The following TBCCD1 variants were observed in gnomAD, a reference collection of about 807,000 sequenced individuals.
TBCCD1 encodes the protein TBCC domain containing 1.
Under a neutral mutation model 53.4 loss-of-function variants are expected in TBCCD1, and 26 were observed. That is an observed-to-expected ratio of 0.49 (90% confidence interval 0.36 to 0.68). The LOEUF (loss-of-function observed/expected upper bound fraction) is 0.68, where lower values mean the gene tolerates loss of function less well. TBCCD1 is among the 30% of genes least tolerant of loss of function. TBCCD1 has a pLI of 0.00. For synonymous variants in TBCCD1, 245 were observed against 241.7 expected, an observed-to-expected ratio of 1.01 and a Z score of -0.13; for missense variants, 558 against 669.5, an observed-to-expected ratio of 0.83 and a Z score of 1.84.
At chr3:186,555,189 AC>A in intron 4 of TBCCD1, 105 bp from the exon 5 acceptor site, 1 of 1,107,594 alleles carries the variant, frequency 9.0e-7, no homozygotes, top group Non-Finnish European at 1.2e-6. Context: ...CAAATTAGAT[AC>A]CACATGTAGG....
chr3:186,563,886 A>G, intron 2 of TBCCD1, 108 bp downstream of exon 2: 2 of 1,327,100 alleles, frequency 1.5e-6, no homozygotes, highest in Non-Finnish European at 2.0e-6. Flanking sequence ...CAACAAAGTG[A>G]AACTCTGTTT....
rs1172521590 is a variant in TBCCD1, at chr3:186,554,590, G to A, written c.1208C>T (p.Thr403Ile). The change falls in exon 6 of 8, where the codon ACA becomes ATA. Residue 403 changes from threonine to isoleucine, a missense_variant. Transcript: ENST00000338733. ...TGCIFHVLTP[T>I]RPLILSGNQT... is the part of the protein sequence containing the mutation. ...GTTCCCAGAGAGAATAAGTGGGCGT[G>A]TAGGCGTAAGAACGTGAAAGATGCA... The A allele has an allele frequency of 3.1e-6, 5 of 1,614,196 alleles. No individual in the cohort carries two copies. The highest frequency in any genetic ancestry group is 4.2e-6 in the Non-Finnish European group (5 of 1,180,036).
rs1347241404 is a variant in TBCCD1 at position 186,546,942 on chromosome 3, G to T, written c.*35C>A. The T allele has an allele frequency of 1.3e-5, 2 of 151,330 alleles. No homozygotes were observed. The highest frequency in any genetic ancestry group is 6.6e-5 in the Admixed American group (1 of 15,206). 9.4% of individuals were successfully genotyped at this position (151,330 alleles called of 1,614,324 possible). On this transcript the variant is annotated 3_prime_UTR_variant, in exon 8 of 8. Coordinates refer to ENST00000338733, the MANE Select transcript of TBCCD1 (RefSeq NM_018138.5). ...TGAGCACCATCCTCCATTTATCCTT[G>T]TATTTCCAGGGCCCTGAAGATCAAA...
chr3:186,570,419 G>A (rs766510368), upstream of TBCCD1: 10 of 479,036 alleles, frequency 2.1e-5, no homozygotes, highest in Non-Finnish European at 3.3e-5. Context: ...AAGTGGGCAA[G>A]CCGGAGGGAT....
intron 1 of TBCCD1, among the ~76,000 whole-genome samples, chr3:186,567,040 C>T (rs1212715424): frequency 1.3e-5 from 2 of 152,212 alleles, no homozygotes; most frequent in African/African-American, 4.8e-5. Context: ...GGCGTGGGTC[C>T]AAGGCGGCTG....
chr3:186,564,266 C>G lies in TBCCD1; in HGVS notation c.64G>C (p.Val22Leu), dbSNP rs750634696. ...AEPFIVGALQ[V>L]PPPSKFSLHY... ...AGACTAAACTTGGATGGAGGGGGGA[C>G]CTGCAAGGCACCCACTATAAAGGGT... Residue 22 changes from valine (V) to leucine (L), a missense_variant, in exon 2 of 8, where the codon GTC becomes CTC. Physicochemically the swap from Val to Leu is conservative, Grantham distance 32. Transcript: ENST00000338733. 3.1e-6 allele frequency: 5 copies of G among 1,614,134 alleles called. No homozygotes were observed. Among genetic ancestry groups the G allele is most frequent in the Non-Finnish European group, 4.2e-6 (5 of 1,180,036 alleles).
chr3:186,554,124 A>C (rs1714454066), intron 6 of TBCCD1, 130 bp downstream of exon 6: 1 of 1,292,132 alleles, frequency 7.7e-7, no homozygotes, highest in Non-Finnish European at 1.1e-6. Flanking sequence ...CTGGGATTAT[A>C]GGCGTGAGCC....
In TBCCD1 at chr3:186,556,736, G is replaced by A. The variant is rs1477995317; in HGVS notation, c.532C>T (p.His178Tyr). 3 of 1,614,018 alleles carry A rather than the reference G, an allele frequency of 1.9e-6. No individual in the cohort carries two copies. The highest frequency in any genetic ancestry group is 1.3e-5 in the African/African-American group (1 of 74,994). The change falls in exon 4 of 8, where the codon CAT becomes TAT. Residue 178 changes from histidine to tyrosine, a missense_variant. By Grantham distance (83) the His-to-Tyr change is moderately conservative. Coordinates refer to ENST00000338733, the MANE Select transcript of TBCCD1 (RefSeq NM_018138.5). ...DYSHQAFVYD[H>Y]LSDLLELLLD... ...AGCAGCTCGAGGAGATCAGACAGAT[G>A]ATCATAGACAAAAGCTTGGTGACTG...
chr3:186,562,101 G>A (rs1392224302), intron 2 of TBCCD1, among the ~76,000 whole-genome samples: 3 of 152,188 alleles, frequency 2.0e-5, no homozygotes, highest in Non-Finnish European at 4.4e-5. Flanking sequence ...CAACACTTTG[G>A]GAGGCTGAGG....
chr3:186,551,573 G>A (rs535540430), intron 6 of TBCCD1, among the ~76,000 whole-genome samples: 14 of 152,324 alleles, frequency 9.2e-5, no homozygotes, highest in Middle Eastern at 6.8e-3. Flanking sequence ...CAAGGCCCCT[G>A]TTGAAGCAGG....
rs376608378 is a variant in TBCCD1 at position 186,554,596 on chromosome 3, G to A, written c.1202C>T (p.Thr401Met). ...STTGCIFHVL[T>M]PTRPLILSGN... Reference sequence around the variant, plus strand: ...AGAGAGAATAAGTGGGCGTGTAGGCGTAAGAACGTGAAAGATGCAACCTGT... The same window carrying A: ...AGAGAGAATAAGTGGGCGTGTAGGCATAAGAACGTGAAAGATGCAACCTGT... Residue 401 changes from threonine (T) to methionine (M), a missense_variant, in exon 6 of 8, where the codon ACG becomes ATG. Physicochemically the swap from Thr to Met is moderately conservative, Grantham distance 81. Transcript: ENST00000338733. 1.2e-5 allele frequency: 19 copies of A among 1,614,100 alleles called. 1 individual carries two copies. Among genetic ancestry groups the A allele is most frequent in the South Asian group, 4.4e-5 (4 of 91,076 alleles).
chr3:186,562,317 C>G (rs1274630337), intron 2 of TBCCD1, among the ~76,000 whole-genome samples: 7 of 152,194 alleles, frequency 4.6e-5, no homozygotes. Context: ...TGTACTCCAG[C>G]TTGGGCAACA....
intron 2 of TBCCD1, among the ~76,000 whole-genome samples, chr3:186,562,508 G>C (rs563195446): frequency 6.6e-6 from 1 of 152,272 alleles, no homozygotes; most frequent in South Asian, 2.1e-4. Context: ...AGACAGAAGG[G>C]TGACTGACAA....
chr3:186,555,328 T>G (rs1440850516), intron 4 of TBCCD1, among the ~76,000 whole-genome samples: 1 of 152,174 alleles, frequency 6.6e-6, no homozygotes, highest in African/African-American at 2.4e-5. Context: ...AATTTAAGAT[T>G]GCCTATAAGT....
At chr3:186,550,355 C>G (rs148446115) in intron 7 of TBCCD1, among the ~76,000 whole-genome samples, 3,367 of 152,010 alleles carry the variant, frequency 0.022, 119 homozygotes, top group African/African-American at 0.077. Context: ...GAAGCCAAGG[C>G]AAGTGGATCA....
At chr3:186,559,030 C>A (rs888767654) in intron 2 of TBCCD1, among the ~76,000 whole-genome samples, 1 of 152,182 alleles carries the variant, frequency 6.6e-6, no homozygotes, top group Admixed American at 6.5e-5. Flanking sequence ...CAGGCGTGAA[C>A]CCCTGTGCCT....
intron 3 of TBCCD1, 63 bp downstream of exon 3, chr3:186,558,354 A>G (rs530181782): frequency 1.8e-5 from 27 of 1,536,164 alleles, no homozygotes; most frequent in Admixed American, 4.1e-5. Context: ...TTTTTAATGC[A>G]AGTGAACCAT....
intron 7 of TBCCD1, among the ~76,000 whole-genome samples, chr3:186,548,188 T>C (rs1037216752): frequency 5.9e-5 from 9 of 152,206 alleles, no homozygotes; most frequent in African/African-American, 1.7e-4. Flanking sequence ...TATCTGGCCA[T>C]GAAAAAGAAT....
chr3:186,556,900 A>G (rs1267828713), intron 3 of TBCCD1, 125 bp from the exon 4 acceptor site: 10 of 1,231,442 alleles, frequency 8.1e-6, no homozygotes, highest in African/African-American at 1.5e-5. Context: ...GTAGTTATAT[A>G]AACCTTATAA....
Sources: gnomAD v4.1 joint callset for allele counts (sites outside exome capture counted in the v4.1 genomes callset) on GRCh38, gnomAD v4.1.1 for gene constraint, MANE v1.5 for transcripts, NCBI Gene and HGNC (gene_info 2026-07-23, HGNC 2026-07-21) for gene names.